STK3: variants seen among roughly 807,000 people sequenced by gnomAD.
STK3 encodes the protein serine/threonine kinase 3.
In STK3, 41 loss-of-function variants were observed where a neutral mutation model predicts 58.0. The observed-to-expected ratio is 0.71, with a 90% confidence interval of 0.55 to 0.92. The LOEUF (loss-of-function observed/expected upper bound fraction) is 0.92, where lower values mean the gene tolerates loss of function less well. Ranked by LOEUF, STK3 falls within the 40% of genes least tolerant of loss-of-function variation. The pLI, the probability that STK3 is intolerant of heterozygous loss-of-function variation, is 0.00. For synonymous variants in STK3, 170 were observed against 191.0 expected, an observed-to-expected ratio of 0.89 and a Z score of 0.91; for missense variants, 479 against 602.7, an observed-to-expected ratio of 0.79 and a Z score of 2.15.
intron 8 of STK3, among the ~76,000 whole-genome samples, chr8:98,572,398 A>G (rs2131689945): frequency 6.6e-6 from 1 of 152,304 alleles, no homozygotes. Context: ...TATGAAAAAG[A>G]GTATCACTTC....
chr8:98,639,631 T>C (rs1819864576), intron 6 of STK3, among the ~76,000 whole-genome samples: 2 of 152,232 alleles, frequency 1.3e-5, no homozygotes, highest in Admixed American at 1.3e-4. Flanking sequence ...TTACTTTTTG[T>C]TTCTTTATTT....
chr8:98,593,871 G>A (rs1815557576), intron 7 of STK3, among the ~76,000 whole-genome samples: 1 of 151,910 alleles, frequency 6.6e-6, no homozygotes, highest in Admixed American at 6.6e-5. Context: ...CTCTAATGAG[G>A]CCAAAGATAA....
chr8:98,894,861 C>T (rs1032661464), intron 1 of STK3, among the ~76,000 whole-genome samples: 6 of 152,024 alleles, frequency 3.9e-5, no homozygotes, highest in African/African-American at 1.5e-4. Flanking sequence ...ACTGCTGTGT[C>T]CCCAGAATCT....
intron 7 of STK3, among the ~76,000 whole-genome samples, chr8:98,587,564 T>G (rs570552681): frequency 1.3e-5 from 2 of 152,092 alleles, no homozygotes; most frequent in African/African-American, 4.8e-5. Flanking sequence ...CTGAAAAAAA[T>G]GTATATTCTG....
rs542796573 is a variant in STK3, at chr8:98,714,010, A to G, written c.352-6699T>C. The stretch of plus-strand genomic sequence containing the variant: ...TGAATAAACATAATCCAGCATATAA[A>G]CAGAACCAAAGACAAAAACCACATG... On this transcript the variant is annotated intron_variant, in intron 4 of 10. Coordinates refer to ENST00000419617, the MANE Select transcript of STK3 (RefSeq NM_006281.4). Among the ~76,000 whole-genome samples, 3 of 152,330 alleles carry G rather than the reference A, an allele frequency of 2.0e-5. No individual in the cohort carries two copies. In the South Asian group the frequency reaches 6.2e-4, roughly 32 times the overall value.
At chr8:98,485,189 C>T (rs1275442475) in intron 10 of STK3, among the ~76,000 whole-genome samples, 2 of 151,626 alleles carry the variant, frequency 1.3e-5, no homozygotes, top group Admixed American at 6.6e-5. Flanking sequence ...TGCAGTGAGC[C>T]GAGATTGTGC....
At chr8:98,580,714 G>A (rs1241657799) in intron 7 of STK3, among the ~76,000 whole-genome samples, 1 of 152,194 alleles carries the variant, frequency 6.6e-6, no homozygotes, top group Non-Finnish European at 1.5e-5. Context: ...CTGGGCTCAA[G>A]TGATCCTCCC....
intron 7 of STK3, among the ~76,000 whole-genome samples, chr8:98,587,360 G>A (rs374260791): frequency 0.046 from 7,055 of 152,010 alleles, 184 homozygotes; most frequent in East Asian, 0.063. Flanking sequence ...TATGTACCCA[G>A]TAGTCATTCA....
At chr8:98,497,792 T>C (rs1823253507) in intron 10 of STK3, among the ~76,000 whole-genome samples, 1 of 152,096 alleles carries the variant, frequency 6.6e-6, no homozygotes, top group Non-Finnish European at 1.5e-5. Context: ...AGATAGACAA[T>C]AGCAAGTGTT....
chr8:98,903,185 G>T (rs1169310253), intron 1 of STK3, among the ~76,000 whole-genome samples: 2 of 152,202 alleles, frequency 1.3e-5, no homozygotes, highest in Non-Finnish European at 1.5e-5. Flanking sequence ...CAGGGAAATG[G>T]CTAGGATATG....
intron 3 of STK3, among the ~76,000 whole-genome samples, chr8:98,763,674 C>CA (rs1563975458): frequency 6.7e-6 from 1 of 148,444 alleles, no homozygotes. Context: ...TTTTCTTTTT[C>CA]TTTTTTTTTT....
At chr8:98,720,466 T>G (rs1219309191) in intron 4 of STK3, among the ~76,000 whole-genome samples, 1 of 152,018 alleles carries the variant, frequency 6.6e-6, no homozygotes, top group Non-Finnish European at 1.5e-5. Flanking sequence ...TAAGAAAAAC[T>G]GGGGCCAGGC....
At chr8:98,765,432 A>G (rs942533872) in intron 3 of STK3, among the ~76,000 whole-genome samples, 11 of 152,374 alleles carry the variant, frequency 7.2e-5, no homozygotes, top group African/African-American at 2.4e-4. Flanking sequence ...CTTACAATCT[A>G]TAGATCCTAT....
intron 6 of STK3, among the ~76,000 whole-genome samples, chr8:98,679,100 A>C (rs1823436294): frequency 6.6e-6 from 1 of 152,216 alleles, no homozygotes; most frequent in Non-Finnish European, 1.5e-5. Flanking sequence ...CTTCAAGAGA[A>C]GTCACCGTCA....
At chr8:98,646,450 T>C (rs989070686) in intron 6 of STK3, among the ~76,000 whole-genome samples, 2 of 152,230 alleles carry the variant, frequency 1.3e-5, no homozygotes, top group African/African-American at 4.8e-5. Context: ...TTCTATTTAA[T>C]TGTAGTAACT....
intron 9 of STK3, among the ~76,000 whole-genome samples, chr8:98,532,643 A>G (rs545013134): frequency 6.6e-6 from 1 of 152,328 alleles, no homozygotes; most frequent in East Asian, 1.9e-4. Context: ...GTGAAGCACA[A>G]AAAAGCAAAT....
chr8:98,740,018 A>C (rs1351192847), intron 4 of STK3, among the ~76,000 whole-genome samples: 1 of 152,200 alleles, frequency 6.6e-6, no homozygotes, highest in African/African-American at 2.4e-5. Flanking sequence ...AAATAAATGA[A>C]ATGAAGCGAG....
chr8:98,825,210 T>C (rs1835169907), intron 1 of STK3, among the ~76,000 whole-genome samples: 1 of 152,142 alleles, frequency 6.6e-6, no homozygotes, highest in Non-Finnish European at 1.5e-5. Flanking sequence ...ACAGACTGTG[T>C]AGCTATTAAT....
intron 7 of STK3, among the ~76,000 whole-genome samples, chr8:98,589,794 C>T (rs1291172561): frequency 6.6e-6 from 1 of 152,196 alleles, no homozygotes; most frequent in African/African-American, 2.4e-5. Flanking sequence ...GGGATATAAT[C>T]TCGTGGTGCA....
Sources: allele counts gnomAD v4.1 joint callset (sites outside exome capture counted in the v4.1 genomes callset), GRCh38; gene constraint gnomAD v4.1.1; transcripts MANE v1.5; gene names NCBI Gene and HGNC (gene_info 2026-07-23, HGNC 2026-07-21).